The following SOX6 variants were observed in gnomAD, a reference collection of about 807,000 sequenced individuals.
SOX6 encodes SRY-box transcription factor 6.
Under a neutral mutation model 97.8 loss-of-function variants are expected in SOX6, and 11 were observed. The ratio of observed to expected loss-of-function variants is 0.11; its 90% CI spans 0.07 to 0.19. SOX6 has a LOEUF of 0.19. SOX6 is among the 10% of genes least tolerant of loss of function. The pLI is 1.00. For missense variants in SOX6, 810 were observed against 1,039.5 expected, an observed-to-expected ratio of 0.78 and a Z score of 3.04; for synonymous variants, 360 against 371.4, an observed-to-expected ratio of 0.97 and a Z score of 0.35.
At chr11:16,303,443 T>C (rs1652839496) in intron 3 of SOX6, among the ~76,000 whole-genome samples, 1 of 152,218 alleles carries the variant, frequency 6.6e-6, no homozygotes, top group South Asian at 2.1e-4. Context: ...TGGTTTTATC[T>C]GTGGATTCTC....
At chr11:16,070,113 C>T (rs1848189956) in intron 9 of SOX6, among the ~76,000 whole-genome samples, 1 of 152,084 alleles carries the variant, frequency 6.6e-6, no homozygotes, top group African/African-American at 2.4e-5. Context: ...CGAGATTGCG[C>T]CACTGCACTC....
intron 2 of SOX6, among the ~76,000 whole-genome samples, chr11:16,328,025 T>A (rs1856153833): frequency 6.6e-6 from 1 of 152,166 alleles, no homozygotes; most frequent in Admixed American, 6.6e-5. Context: ...TTGTTTTCCA[T>A]TTTAGTTGTA....
intron 4 of SOX6, among the ~76,000 whole-genome samples, chr11:16,189,650 GA>G (rs1851577738): frequency 6.6e-6 from 1 of 151,982 alleles, no homozygotes; most frequent in Admixed American, 6.5e-5. Context: ...AGTATTTTAC[GA>G]AATGAGTGAT....
intron 3 of SOX6, among the ~76,000 whole-genome samples, chr11:16,709,858 A>G (rs1369996174): frequency 6.6e-6 from 1 of 152,236 alleles, no homozygotes; most frequent in Non-Finnish European, 1.5e-5. Flanking sequence ...TGCAGAAAGA[A>G]GAATGCACCT....
At chr11:15,978,577 C>T (rs1215163037) in intron 15 of SOX6, among the ~76,000 whole-genome samples, 2 of 151,300 alleles carry the variant, frequency 1.3e-5, no homozygotes, top group African/African-American at 4.8e-5. Flanking sequence ...CACCGAAGTC[C>T]CCATGGATTG....
intron 4 of SOX6, among the ~76,000 whole-genome samples, chr11:16,221,865 T>A (rs553694478): frequency 9.9e-5 from 15 of 152,254 alleles, no homozygotes; most frequent in Admixed American, 7.9e-4. Context: ...AGTAAAAGAT[T>A]CATTCAAAGT....
At chr11:16,020,552 T>C (rs1414313757) in intron 12 of SOX6, among the ~76,000 whole-genome samples, 8 of 152,108 alleles carry the variant, frequency 5.3e-5, no homozygotes, top group East Asian at 3.9e-4. Flanking sequence ...CTGTCACATA[T>C]CCTCTGGTTG....
intron 1 of SOX6, among the ~76,000 whole-genome samples, chr11:16,403,406 T>C (rs547333077): frequency 2.4e-4 from 36 of 151,912 alleles, no homozygotes; most frequent in Non-Finnish European, 4.4e-4. Flanking sequence ...ACCGGCACTC[T>C]GTAGAATTGT....
At chr11:16,594,433 G>C (rs1848187459) in intron 4 of SOX6, among the ~76,000 whole-genome samples, 1 of 152,094 alleles carries the variant, frequency 6.6e-6, no homozygotes, top group Non-Finnish European at 1.5e-5. Context: ...ATGCCTTTAA[G>C]GGTTGCAAGG....
intron 6 of SOX6, among the ~76,000 whole-genome samples, chr11:16,118,971 A>G (rs955042117): frequency 4.0e-4 from 61 of 152,272 alleles, no homozygotes; most frequent in Admixed American, 4.0e-3. Flanking sequence ...GGAGGAAAAG[A>G]GAGAAAATAG....
intron 1 of SOX6, among the ~76,000 whole-genome samples, chr11:16,378,228 C>T (rs1264393187): frequency 1.3e-5 from 2 of 152,044 alleles, no homozygotes; most frequent in Non-Finnish European, 2.9e-5. Flanking sequence ...AAAAATGTGT[C>T]CTTAAAGTAA....
chr11:16,218,266 T>C (rs1209215512), intron 4 of SOX6, among the ~76,000 whole-genome samples: 1 of 152,140 alleles, frequency 6.6e-6, no homozygotes, highest in Non-Finnish European at 1.5e-5. Flanking sequence ...TATTGCTAGA[T>C]TAAAATGTTA....
chr11:16,527,594 T>A (rs2133166905), intron 4 of SOX6, among the ~76,000 whole-genome samples: 1 of 152,258 alleles, frequency 6.6e-6, no homozygotes, highest in South Asian at 2.1e-4. Flanking sequence ...CTTTGCCTCA[T>A]CACCAGGCTT....
At position 16,571,863 on chromosome 11, in the gene SOX6, G is replaced by A. The variant is rs558843812; in HGVS notation, n.609+40218C>T. ...AGACAGGGTTTCGCCATGTTGGCCAGGCTGGTCTCAAACTCCTGACCTCAA... is the reference window on the plus strand; with the variant it reads ...AGACAGGGTTTCGCCATGTTGGCCAAGCTGGTCTCAAACTCCTGACCTCAA... On this transcript the variant is annotated intron_variant and non_coding_transcript_variant, in intron 4 of 5. Coordinates refer to the SOX6 transcript ENST00000524520. 2.6e-5 allele frequency among the ~76,000 whole-genome samples: 4 copies of A among 152,300 alleles called. No homozygotes were observed. In the East Asian group the frequency reaches 7.7e-4, roughly 29 times the overall value.
At chr11:16,590,070 T>C (rs1848132663) in intron 4 of SOX6, among the ~76,000 whole-genome samples, 1 of 152,180 alleles carries the variant, frequency 6.6e-6, no homozygotes, top group African/African-American at 2.4e-5. Flanking sequence ...CACTGCGTAA[T>C]GCAAAACTCT....
At chr11:16,500,200 T>A (rs536527367) in intron 4 of SOX6, among the ~76,000 whole-genome samples, 20 of 152,192 alleles carry the variant, frequency 1.3e-4, no homozygotes, top group East Asian at 1.9e-4. Flanking sequence ...ACAGAACCAA[T>A]GACAAAAACC....
At chr11:16,304,102 G>A (rs1431181900) in intron 3 of SOX6, among the ~76,000 whole-genome samples, 1 of 152,070 alleles carries the variant, frequency 6.6e-6, no homozygotes, top group Non-Finnish European at 1.5e-5. Flanking sequence ...TTTTAGTAGA[G>A]ATGGGATTTC....
chr11:16,090,251 A>C lies in SOX6; in HGVS notation c.1101+5745T>G, dbSNP rs184337783. Among the ~76,000 whole-genome samples, 593 of 152,196 alleles carry C rather than the reference A, an allele frequency of 3.9e-3. 1 individual carries two copies. The highest frequency in any genetic ancestry group is 0.027 in the South Asian group (130 of 4,822). ...GAGATAGAGGACTACATTGGTTTTG[A>C]GTATAGCTGACTATCCCACCAATCA... On this transcript the variant is annotated intron_variant, in intron 9 of 15. Transcript: ENST00000683767.
intron 3 of SOX6, chr11:16,315,442 A>T (rs1287341428): frequency 1.3e-5 from 2 of 151,858 alleles, no homozygotes; most frequent in African/African-American, 4.8e-5. Flanking sequence ...AAGTGCTGTA[A>T]AAAAAAAGAT....
Sources: gnomAD v4.1 joint callset for allele counts (sites outside exome capture counted in the v4.1 genomes callset) on GRCh38, gnomAD v4.1.1 for gene constraint, MANE v1.5 for transcripts, NCBI Gene and HGNC (gene_info 2026-07-23, HGNC 2026-07-21) for gene names.